SVEP1: variants seen among roughly 807,000 people sequenced by gnomAD.
SVEP1 encodes the protein sushi, von Willebrand factor type A, EGF and pentraxin domain containing 1.
SVEP1 carries 164 observed loss-of-function variants against 367.3 expected under a neutral mutation model. The ratio of observed to expected loss-of-function variants is 0.45; its 90% CI spans 0.39 to 0.51. SVEP1 has a LOEUF of 0.51. Ranked by LOEUF, SVEP1 falls within the 20% of genes least tolerant of loss-of-function variation. The probability of loss-of-function intolerance (pLI) is 0.00; values close to 1 mark genes in which losing one functional copy is unlikely to be tolerated. For missense variants in SVEP1, 4,117 were observed against 4,425.3 expected (o/e 0.93, Z 1.98); for synonymous variants, 1,666 against 1,611.6 (o/e 1.03, Z -0.81).
chr9:110,380,215 G>A (rs769243010), intron 43 of SVEP1, among the ~76,000 whole-genome samples: 17 of 152,092 alleles, frequency 1.1e-4, no homozygotes, highest in Non-Finnish European at 1.3e-4. Context: ...ATATTGTTTT[G>A]AGAATTTTAC....
rs113898391 is a variant in SVEP1, at chr9:110,405,557, G to A, written c.9440+603C>T. 2.8e-3 allele frequency among the ~76,000 whole-genome samples: 383 copies of A among 138,414 alleles called. 1 individual carries two copies. The highest frequency in any genetic ancestry group is 3.1e-3 in the Non-Finnish European group (200 of 63,960). The allele number at this position is 138,414 out of a possible 152,430, so 90.8% of individuals were successfully genotyped here. On this transcript the variant is annotated intron_variant, in intron 38 of 47. Coordinates refer to ENST00000374469, the MANE Select transcript of SVEP1 (RefSeq NM_153366.4). ...ATTAATATGTATTATGAATACCTAC[G>A]TGGACTCAGATACTAGTAGGAATAC... is the stretch of plus-strand genomic sequence containing the variant.
intron 3 of SVEP1, among the ~76,000 whole-genome samples, chr9:110,522,925 C>T (rs1033659617): frequency 1.3e-5 from 2 of 152,180 alleles, no homozygotes; most frequent in African/African-American, 4.8e-5. Flanking sequence ...CTCTAACCTC[C>T]ATACATAGGT....
At chr9:110,389,672 G>A in intron 40 of SVEP1, 85 bp from the exon 41 acceptor site, 2 of 1,458,728 alleles carry the variant, frequency 1.4e-6, no homozygotes, top group Admixed American at 1.8e-5. Context: ...CTTAGCTATG[G>A]CCTTGAATCG....
intron 5 of SVEP1, among the ~76,000 whole-genome samples, chr9:110,509,022 T>C (rs1396290658): frequency 6.6e-6 from 1 of 152,178 alleles, no homozygotes; most frequent in East Asian, 1.9e-4. Context: ...TCACTGTTCT[T>C]ATAATTAAAT....
chr9:110,540,796 A>T (rs184403568), intron 3 of SVEP1, among the ~76,000 whole-genome samples: 49 of 152,256 alleles, frequency 3.2e-4, no homozygotes, highest in Middle Eastern at 3.4e-3. Flanking sequence ...CATGACATGG[A>T]ACAGATCTAC....
In SVEP1 at chr9:110,459,094, T is replaced by G; in HGVS notation, c.3342A>C (p.Lys1114Asn). The change falls in exon 19 of 48, where the codon AAA (lysine) becomes AAC (asparagine). Residue 1114 changes from lysine to asparagine, a missense_variant. Transcript: ENST00000374469. ...AGGGCATTAACCCAGAACGCGAGAATTTTCCTTCTGGACAAGGAACTGCAG... is the reference window on the plus strand; with the variant it reads ...AGGGCATTAACCCAGAACGCGAGAAGTTTCCTTCTGGACAAGGAACTGCAG... ...SACGVPCPEG[K>N]FSRSGLMPCH... is the part of the protein sequence containing the mutation. 6.2e-7 allele frequency: 1 copy of G among 1,613,642 alleles called. No homozygotes were observed. Among genetic ancestry groups the G allele is most frequent in the Non-Finnish European group, 8.5e-7 (1 of 1,179,678 alleles).
chr9:110,567,129 C>G (rs1830502360), intron 1 of SVEP1, among the ~76,000 whole-genome samples: 1 of 152,148 alleles, frequency 6.6e-6, no homozygotes, highest in South Asian at 2.1e-4. Flanking sequence ...ATGAAATGCA[C>G]TAAAGATATA....
chr9:110,453,847 C>T (rs767979382), intron 22 of SVEP1, among the ~76,000 whole-genome samples: 10 of 148,286 alleles, frequency 6.7e-5, no homozygotes, highest in East Asian at 2.0e-4. Flanking sequence ...CCAGCCTGGG[C>T]GACACAGCGA....
chr9:110,386,112 C>T, intron 42 of SVEP1, 38 bp from the exon 43 acceptor site: 1 of 1,582,172 alleles, frequency 6.3e-7, no homozygotes, highest in East Asian at 2.3e-5. Context: ...TGATATTTCC[C>T]CTCTTTTCCT....
In SVEP1 at chr9:110,458,523, A is replaced by G; in HGVS notation, c.3524T>C (p.Val1175Ala). The G allele has an allele frequency of 6.2e-7, 1 of 1,613,030 alleles. No homozygotes were observed. The highest frequency in any genetic ancestry group is 8.5e-7 in the Non-Finnish European group (1 of 1,179,596). The part of the protein sequence containing the change: ...STFSAAEESV[V>A]PPASLGHIKK... ...AATATGTCCAAGAGAGGCAGGGGGC[A>G]CCACACTTTCCTCTGCCGCTGAGAA... The change falls in exon 20 of 48, where the codon GTG becomes GCG. Residue 1175 changes from valine (V) to alanine (A), a missense_variant. Physicochemically the swap from Val to Ala is moderately conservative, Grantham distance 64. Transcript: ENST00000374469.
At chr9:110,523,781 C>T (rs1342176931) in intron 3 of SVEP1, among the ~76,000 whole-genome samples, 1 of 151,600 alleles carries the variant, frequency 6.6e-6, no homozygotes, top group East Asian at 1.9e-4. Context: ...ATCTAAGTTC[C>T]CACCTGAAGA....
chr9:110,389,448 T>A lies in SVEP1; in HGVS notation c.9886+76A>T, dbSNP rs555791554. The A allele has an allele frequency of 5.2e-6, 8 of 1,552,480 alleles. No homozygotes were observed. In the African/African-American group the frequency reaches 9.6e-5, roughly 19 times the overall value. On this transcript the variant is annotated intron_variant, in intron 41 of 47. Coordinates refer to ENST00000374469, the MANE Select transcript of SVEP1 (RefSeq NM_153366.4). ...ACATTTTAATTACAAAACTAACCTA[T>A]AAAGAAAATGTAGCCACACTGTTAT...
In SVEP1 at chr9:110,479,708, T is replaced by C; in HGVS notation, c.2414A>G (p.Lys805Arg). 6.2e-7 allele frequency: 1 copy of C among 1,611,148 alleles called. No homozygotes were observed. Among genetic ancestry groups the C allele is most frequent in the South Asian group, 1.1e-5 (1 of 90,344 alleles). The stretch of plus-strand genomic sequence containing the variant: ...ATCTGTGTCATCACAACGAGCTGCT[T>C]TGTAGAACATCTCAAAGGACTTGAA... ...HGFKSFEMFYKAARCDDTDLM... is the reference protein window; with the variant it reads ...HGFKSFEMFYRAARCDDTDLM... The change falls in exon 13 of 48, where the codon AAA (lysine) becomes AGA (arginine). Residue 805 changes from lysine (K) to arginine (R), a missense_variant. Around this residue, in one of 4 missense-constraint regions of SVEP1, gnomAD observed 2,174 missense variants for 2,494.3 expected, o/e 0.87. Coordinates refer to ENST00000374469, the MANE Select transcript of SVEP1 (RefSeq NM_153366.4).
At position 110,497,118 on chromosome 9, in the gene SVEP1, C is replaced by G. The variant is rs188630348; in HGVS notation, c.1682-185G>C. ...TTTATCTCAGCATGGCTTACGAGCC[C>G]AATCTTGAACTAGTACCTATTAACC... On this transcript the variant is annotated intron_variant, in intron 7 of 47. Coordinates refer to ENST00000374469, the MANE Select transcript of SVEP1 (RefSeq NM_153366.4). Among the ~76,000 whole-genome samples, 322 of 152,314 alleles carry G rather than the reference C, an allele frequency of 2.1e-3. 2 individuals carry two copies. The highest frequency in any genetic ancestry group is 7.3e-3 in the African/African-American group (305 of 41,570).
At chr9:110,544,104 T>G (rs1830187749) in intron 3 of SVEP1, among the ~76,000 whole-genome samples, 2 of 142,464 alleles carry the variant, frequency 1.4e-5, no homozygotes, top group African/African-American at 2.6e-5. Context: ...ATGAGAGGAG[T>G]AAAAGAAAGA....
chr9:110,368,280 A>G (rs923075916), intron 47 of SVEP1, among the ~76,000 whole-genome samples: 1 of 152,194 alleles, frequency 6.6e-6, no homozygotes, highest in African/African-American at 2.4e-5. Flanking sequence ...AGGTCCCTCT[A>G]TTGTGATAAT....
chr9:110,552,416 T>C (rs986474525), intron 1 of SVEP1, among the ~76,000 whole-genome samples: 2 of 152,156 alleles, frequency 1.3e-5, no homozygotes, highest in African/African-American at 4.8e-5. Context: ...TGGAGTGGAA[T>C]GGGGCTGGAG....
Position 110,406,446 on chromosome 9 carries a change from A to T in SVEP1, c.9154T>A (p.Trp3052Arg). ...TCACAGTGGGGGAACCCAGAGCTCC[A>T]CTGGCCATCGGCTTCACAGGTGATT... ...SEITCEADGQ[W>R]SSGFPHCEHT... The change falls in exon 38 of 48, where the codon TGG becomes AGG. Residue 3052 changes from tryptophan (W) to arginine (R), a missense_variant. Transcript: ENST00000374469. The T allele has an allele frequency of 6.2e-7, 1 of 1,614,078 alleles. No homozygotes were observed. Among genetic ancestry groups the T allele is most frequent in the Non-Finnish European group, 8.5e-7 (1 of 1,179,910 alleles).
chr9:110,497,026 C>T, intron 7 of SVEP1, 93 bp from the exon 8 acceptor site: 1 of 758,372 alleles, frequency 1.3e-6, no homozygotes, highest in African/African-American at 1.8e-5. Flanking sequence ...TATTAATACA[C>T]TGTGACACAT....
Sources: gnomAD v4.1 joint callset for allele counts (sites outside exome capture counted in the v4.1 genomes callset) on GRCh38, gnomAD v4.1.1 for gene constraint, gnomAD v4.1.1 regional missense constraint, MANE v1.5 for transcripts, NCBI Gene and HGNC (gene_info 2026-07-23, HGNC 2026-07-21) for gene names.